Variants in ETFA observed in about 807,000 individuals in gnomAD.
The protein encoded by ETFA is electron transfer flavoprotein subunit alpha.
Under a neutral mutation model 46.2 loss-of-function variants are expected in ETFA, and 22 were observed. That is an observed-to-expected ratio of 0.48 (90% CI 0.34 to 0.68). The LOEUF (loss-of-function observed/expected upper bound fraction) is 0.68, where lower values mean the gene tolerates loss of function less well. Among genes scored for constraint, ETFA ranks in the 30% least tolerant of loss-of-function variants. ETFA has a pLI of 0.01. For missense variants in ETFA, 345 were observed against 401.1 expected (o/e 0.86, Z 1.19); for synonymous variants, 131 against 139.9 (o/e 0.94, Z 0.45).
intron 8 of ETFA, among the ~76,000 whole-genome samples, chr15:76,277,504 CAA>C (rs56030685): frequency 0.56 from 83,830 of 149,736 alleles, 24,549 homozygotes; most frequent in African/African-American, 0.75. Flanking sequence ...AAAACAAAAA[CAA>C]AAAAAAAAAA....
At position 76,274,440 on chromosome 15, in the gene ETFA, A is replaced by G; in HGVS notation, c.788T>C (p.Val263Ala). Reference sequence around the variant, plus strand: ...TGCTACTATTTTTCCCGTCTGTCCAACTTGCATGTCATTGGGAACAAAGCC... The same window carrying G: ...TGCTACTATTTTTCCCGTCTGTCCAGCTTGCATGTCATTGGGAACAAAGCC... ...DAGFVPNDMQVGQTGKIVAPE... is the reference protein window; with the variant it reads ...DAGFVPNDMQAGQTGKIVAPE... The change falls in exon 9 of 12, where the codon GTT (valine) becomes GCT (alanine). Residue 263 changes from valine (V) to alanine (A), a missense_variant. By Grantham distance (64) the Val-to-Ala change is moderately conservative. Coordinates refer to ENST00000557943, the MANE Select transcript of ETFA (RefSeq NM_000126.4). The G allele has an allele frequency of 6.2e-7, 1 of 1,612,484 alleles. No homozygotes were observed.
chr15:76,256,262 GA>G (rs59670988), intron 9 of ETFA, among the ~76,000 whole-genome samples: 2,939 of 95,628 alleles, frequency 0.031, 37 homozygotes, highest in African/African-American at 0.051. Context: ...CCGTCTCAAG[GA>G]AAAAAAAAAA....
At chr15:76,223,689 C>G (rs1567195055) in intron 11 of ETFA, among the ~76,000 whole-genome samples, 1 of 152,206 alleles carries the variant, frequency 6.6e-6, no homozygotes, top group South Asian at 2.1e-4. Flanking sequence ...AGTCAGCTGA[C>G]TAGATGATTT....
intron 10 of ETFA, among the ~76,000 whole-genome samples, chr15:76,227,307 A>C (rs1237655953): frequency 6.6e-6 from 1 of 152,000 alleles, no homozygotes; most frequent in African/African-American, 2.4e-5. Flanking sequence ...ACTTGAGGTC[A>C]GGAGTTCGAG....
chr15:76,255,796 A>G (rs59573516), intron 9 of ETFA, among the ~76,000 whole-genome samples: 2,186 of 152,234 alleles, frequency 0.014, 47 homozygotes, highest in African/African-American at 0.049. Context: ...CCAAATTGAC[A>G]TTTGCACTGA....
chr15:76,297,227 C>T (rs1456174483), intron 1 of ETFA, among the ~76,000 whole-genome samples: 3 of 152,092 alleles, frequency 2.0e-5, no homozygotes, highest in Non-Finnish European at 4.4e-5. Flanking sequence ...AAATACCATA[C>T]CTGTTTATAT....
chr15:76,295,541 T>C (rs2039809342), intron 2 of ETFA, 50 bp downstream of exon 2: 3 of 1,513,162 alleles, frequency 2.0e-6, no homozygotes, highest in Non-Finnish European at 2.8e-6. Flanking sequence ...TCTTTTCCTG[T>C]CTCTTGATGG....
At chr15:76,260,440 G>A (rs545875449) in intron 9 of ETFA, 2 of 1,587,606 alleles carry the variant, frequency 1.3e-6, no homozygotes, top group Middle Eastern at 2.1e-4. Context: ...CGGCTGTGAG[G>A]AGGGCCCTTC....
intron 8 of ETFA, among the ~76,000 whole-genome samples, chr15:76,276,904 CA>C (rs2039598546): frequency 6.6e-6 from 1 of 152,134 alleles, no homozygotes; most frequent in Admixed American, 6.5e-5. Flanking sequence ...TTTAAATTTC[CA>C]GTCTGATTAT....
intron 10 of ETFA, among the ~76,000 whole-genome samples, chr15:76,228,550 G>C (rs1481708095): frequency 6.6e-6 from 1 of 151,898 alleles, no homozygotes; most frequent in Non-Finnish European, 1.5e-5. Context: ...AACCACTACA[G>C]TATTTAACAA....
intron 9 of ETFA, among the ~76,000 whole-genome samples, chr15:76,249,591 G>A (rs972294658): frequency 6.6e-6 from 1 of 151,268 alleles, no homozygotes; most frequent in African/African-American, 2.4e-5. Context: ...ACAGGCGCCC[G>A]CCACCACGCC....
rs1191581042 is a variant in ETFA at position 76,292,529 on chromosome 15, A to C, written c.269-16T>G. The C allele has an allele frequency of 1.2e-6, 2 of 1,606,708 alleles. No homozygotes were observed. Among genetic ancestry groups the C allele is most frequent in the African/African-American group, 1.3e-5 (1 of 74,804 alleles). Reference sequence around the variant, plus strand: ...GTCAGTTCCTCTGAGAATTAAACACATTTGATAAAAAAATATTTTGAAATA... The same window carrying C: ...GTCAGTTCCTCTGAGAATTAAACACCTTTGATAAAAAAATATTTTGAAATA... On this transcript the variant is annotated splice_polypyrimidine_tract_variant and intron_variant, in intron 3 of 11. Coordinates refer to ENST00000557943, the MANE Select transcript of ETFA (RefSeq NM_000126.4).
chr15:76,274,430 C>T lies in ETFA; in HGVS notation c.798G>A (p.Thr266=), dbSNP rs764478797. The part of the protein sequence containing the change: ...FVPNDMQVGQ[T]GKIVAPELYI... ...TACTTACTGGTGCTACTATTTTTCC[C>T]GTCTGTCCAACTTGCATGTCATTGG... Residue 266 remains threonine, a synonymous_variant, in exon 9 of 12, where the codon ACG becomes ACA. Transcript: ENST00000557943. 5 of 1,610,916 alleles carry T rather than the reference C, an allele frequency of 3.1e-6. No homozygotes were observed. Among genetic ancestry groups the T allele is most frequent in the East Asian group, 2.2e-5 (1 of 44,824 alleles).
chr15:76,266,154 C>T (rs1229950768), intron 9 of ETFA, among the ~76,000 whole-genome samples: 2 of 152,200 alleles, frequency 1.3e-5, no homozygotes, highest in African/African-American at 4.8e-5. Context: ...AACCGATGGG[C>T]AAGCTACAAC....
At chr15:76,216,716 G>C (rs947054022) in intron 11 of ETFA, 119 bp from the exon 12 acceptor site, 2 of 720,450 alleles carry the variant, frequency 2.8e-6, no homozygotes, top group African/African-American at 1.7e-5. Flanking sequence ...TGAGGCACGA[G>C]GGCCCCCTCC....
intron 1 of ETFA, among the ~76,000 whole-genome samples, chr15:76,304,662 A>C (rs999021512): frequency 2.0e-5 from 2 of 100,052 alleles, no homozygotes; most frequent in Non-Finnish European, 4.2e-5. Context: ...ACTCTATTTC[A>C]AAAAAAAAAA....
intron 1 of ETFA, among the ~76,000 whole-genome samples, chr15:76,304,968 A>G (rs956452997): frequency 6.6e-6 from 1 of 151,700 alleles, no homozygotes; most frequent in Admixed American, 6.6e-5. Flanking sequence ...GCGTGAACCC[A>G]GGCAGCAGAG....
chr15:76,296,741 G>C (rs538836953), intron 1 of ETFA, among the ~76,000 whole-genome samples: 3 of 152,292 alleles, frequency 2.0e-5, no homozygotes, highest in Middle Eastern at 6.8e-3. Flanking sequence ...ATCATTCATG[G>C]TCATGTGGAA....
At chr15:76,285,495 GGTTAA>G (rs1203216328) in intron 7 of ETFA, 137 bp downstream of exon 7, 1 of 627,172 alleles carries the variant, frequency 1.6e-6, no homozygotes, top group East Asian at 2.9e-5. Context: ...TTTCCTAATT[GGTTAA>G]ATGGGAATAA....
Sources: allele counts gnomAD v4.1 joint callset (sites outside exome capture counted in the v4.1 genomes callset), GRCh38; gene constraint gnomAD v4.1.1; transcripts MANE v1.5; gene names NCBI Gene and HGNC (gene_info 2026-07-23, HGNC 2026-07-21).